Variants in TMEM178A observed in about 807,000 individuals in gnomAD.
TMEM178A encodes transmembrane protein 178A, also known as transmembrane protein 178.
A neutral mutation model predicts 29.1 loss-of-function variants in TMEM178A; 12 were observed. The ratio of observed to expected loss-of-function variants is 0.41; its 90% CI spans 0.26 to 0.67. The LOEUF is 0.67. TMEM178A is among the 30% of genes least tolerant of loss of function. The probability of loss-of-function intolerance (pLI) is 0.29; values close to 1 mark genes in which losing one functional copy is unlikely to be tolerated. For synonymous variants in TMEM178A, 210 were observed against 187.2 expected (o/e 1.12, Z -0.99); for missense variants, 366 against 419.1 (o/e 0.87, Z 1.11).
At chr2:39,731,966 T>A in the TMEM178A span, among the ~76,000 whole-genome samples, 1 of 152,288 alleles carries the variant, frequency 6.6e-6, no homozygotes, top group African/African-American at 2.4e-5. Context: ...ACCATTCCAA[T>A]AGGACAAAAA....
the TMEM178A span, among the ~76,000 whole-genome samples, chr2:39,735,160 C>T: frequency 6.6e-6 from 1 of 152,182 alleles, no homozygotes; most frequent in South Asian, 2.1e-4. Flanking sequence ...GGCCCCATCT[C>T]ATCTAATATA....
chr2:39,721,803 G>A (rs1473182467), downstream of TMEM178A, among the ~76,000 whole-genome samples: 1 of 151,870 alleles, frequency 6.6e-6, no homozygotes, highest in East Asian at 1.9e-4. Flanking sequence ...AGACCAGGCT[G>A]GGCAAATAGA....
At chr2:39,683,286 C>A (rs1670946094) in intron 1 of TMEM178A, among the ~76,000 whole-genome samples, 1 of 152,224 alleles carries the variant, frequency 6.6e-6, no homozygotes, top group Non-Finnish European at 1.5e-5. Context: ...TCTCACCTCA[C>A]CCATCCAGCA....
chr2:39,708,243 C>T (rs1278806791), intron 3 of TMEM178A, among the ~76,000 whole-genome samples: 2 of 151,638 alleles, frequency 1.3e-5, no homozygotes, highest in Non-Finnish European at 1.5e-5. Flanking sequence ...CTGAGAGAAG[C>T]GGCCAGTGGG....
chr2:39,687,386 A>G (rs961930085), intron 1 of TMEM178A: 2 of 166,948 alleles, frequency 1.2e-5, no homozygotes, highest in African/African-American at 4.8e-5. Flanking sequence ...TGTCAGTTCC[A>G]CTTGGTCAAG....
At position 39,666,115 on chromosome 2, in the gene TMEM178A, CG is replaced by C; in HGVS notation, c.142del (p.Ala48ArgfsTer12). On this transcript the variant is annotated frameshift_variant, in exon 1 of 4. Transcript: ENST00000281961. LOFTEE classifies it high-confidence loss of function. ...RHKESCERSRAGADPPDQKNR... is the reference protein window; with the variant it reads ...RHKESCERSRXGADPPDQKNR... ...ACAAGGAGAGCTGCGAGCGCAGCCGCGCGGGCGCCGACCCCCCGGACCAGAA... is the reference window on the plus strand; with the variant it reads ...ACAAGGAGAGCTGCGAGCGCAGCCGCCGGGCGCCGACCCCCCGGACCAGAA... The C allele has an allele frequency of 6.4e-7, 1 of 1,554,006 alleles. No homozygotes were observed. The highest frequency in any genetic ancestry group is 8.7e-7 in the Non-Finnish European group (1 of 1,155,412).
intron 1 of TMEM178A, among the ~76,000 whole-genome samples, chr2:39,691,428 C>T (rs2148078928): frequency 6.6e-6 from 1 of 152,210 alleles, no homozygotes; most frequent in South Asian, 2.1e-4. Context: ...AAACACCTGG[C>T]AACTAAGAAT....
At chr2:39,687,664 C>T (rs1255537066) in intron 1 of TMEM178A, among the ~76,000 whole-genome samples, 1 of 152,192 alleles carries the variant, frequency 6.6e-6, no homozygotes, top group South Asian at 2.1e-4. Flanking sequence ...TAGGGATTTC[C>T]TTGAGTCTGT....
intron 2 of TMEM178A, among the ~76,000 whole-genome samples, chr2:39,705,600 T>C (rs1355929900): frequency 1.3e-5 from 2 of 152,220 alleles, no homozygotes; most frequent in Non-Finnish European, 2.9e-5. Context: ...AAATACTCTC[T>C]TTTAATTTGG....
At chr2:39,719,410 C>A (rs1256637810), downstream of TMEM178A, among the ~76,000 whole-genome samples, 1 of 152,176 alleles carries the variant, frequency 6.6e-6, no homozygotes, top group African/African-American at 2.4e-5. Flanking sequence ...GAAAGATTTG[C>A]CTCGAAGCCA....
intron 3 of TMEM178A, among the ~76,000 whole-genome samples, chr2:39,716,652 TTGAG>T (rs1321474868): frequency 3.3e-5 from 5 of 152,214 alleles, no homozygotes; most frequent in Admixed American, 1.3e-4. Context: ...TGTGCTTGAT[TTGAG>T]TGATTATAGA....
chr2:39,708,023 G>A (rs1417251342), intron 3 of TMEM178A, among the ~76,000 whole-genome samples: 1 of 152,202 alleles, frequency 6.6e-6, no homozygotes, highest in Non-Finnish European at 1.5e-5. Context: ...GACACACAAT[G>A]AATAAGGCAG....
At chr2:39,720,449 T>C (rs1358211837), downstream of TMEM178A, among the ~76,000 whole-genome samples, 1 of 152,200 alleles carries the variant, frequency 6.6e-6, no homozygotes, top group African/African-American at 2.4e-5. Context: ...TCAGGCTCTT[T>C]CCTCTGCTGG....
chr2:39,690,992 C>T (rs552837423), intron 1 of TMEM178A, among the ~76,000 whole-genome samples: 3 of 152,184 alleles, frequency 2.0e-5, no homozygotes, highest in East Asian at 1.9e-4. Context: ...AAGAAAGAAT[C>T]AGTGAACTTG....
upstream of TMEM178A, chr2:39,665,804 C>A: frequency 1.8e-6 from 1 of 557,226 alleles, no homozygotes; most frequent in Non-Finnish European, 2.6e-6. Context: ...GAGATCAGGC[C>A]AGGGGAGAGG....
chr2:39,679,959 G>A (rs1298363018), intron 1 of TMEM178A, among the ~76,000 whole-genome samples: 2 of 152,088 alleles, frequency 1.3e-5, no homozygotes, highest in African/African-American at 4.8e-5. Flanking sequence ...TGGGGTGTGA[G>A]GGTGCTCTTC....
chr2:39,692,596 A>C (rs6711206), intron 1 of TMEM178A, among the ~76,000 whole-genome samples: 1 of 151,890 alleles, frequency 6.6e-6, no homozygotes, highest in Non-Finnish European at 1.5e-5. Context: ...AAGTACTATG[A>C]TCCCTAGGTC....
At chr2:39,718,193 T>TCTTCTC (rs1672624689), downstream of TMEM178A, among the ~76,000 whole-genome samples, 1 of 151,414 alleles carries the variant, frequency 6.6e-6, no homozygotes. Context: ...ACAATTTTCT[T>TCTTCTC]CTTCTCCTTC....
downstream of TMEM178A, among the ~76,000 whole-genome samples, chr2:39,720,956 G>C (rs1288728835): frequency 1.3e-5 from 2 of 152,130 alleles, no homozygotes; most frequent in East Asian, 3.8e-4. Context: ...TTTATTTGAT[G>C]GCTCAAACAT....
Sources: gnomAD v4.1 joint callset for allele counts (sites outside exome capture counted in the v4.1 genomes callset) on GRCh38, gnomAD v4.1.1 for gene constraint, MANE v1.5 for transcripts, NCBI Gene and HGNC (gene_info 2026-07-23, HGNC 2026-07-21) for gene names.